Variants in PRKAR2B observed in about 807,000 individuals in gnomAD.
The protein encoded by PRKAR2B is protein kinase cAMP-dependent type II regulatory subunit beta.
A neutral mutation model predicts 49.9 loss-of-function variants in PRKAR2B; 14 were observed. The observed-to-expected ratio is 0.28, with a 90% confidence interval of 0.19 to 0.44. PRKAR2B has a LOEUF of 0.44. Ranked by LOEUF, PRKAR2B falls within the 20% of genes least tolerant of loss-of-function variation. The pLI, the probability that PRKAR2B is intolerant of heterozygous loss-of-function variation, is 1.00. For missense variants in PRKAR2B, 393 were observed against 537.9 expected (o/e 0.73, Z 2.67); for synonymous variants, 196 against 197.7 (o/e 0.99, Z 0.07).
intron 2 of PRKAR2B, among the ~76,000 whole-genome samples, chr7:107,105,050 TA>T (rs1331162837): frequency 6.6e-6 from 1 of 152,208 alleles, no homozygotes; most frequent in Admixed American, 6.5e-5. Context: ...GTCTATACTT[TA>T]AAAGCTTTAC....
At chr7:107,087,587 T>C (rs1794645433) in intron 2 of PRKAR2B, among the ~76,000 whole-genome samples, 1 of 152,040 alleles carries the variant, frequency 6.6e-6, no homozygotes, top group Admixed American at 6.6e-5. Flanking sequence ...TCCAGAGAGG[T>C]TAAGTCCTTT....
At chr7:107,143,513 A>G (rs1795826979) in intron 5 of PRKAR2B, among the ~76,000 whole-genome samples, 2 of 152,232 alleles carry the variant, frequency 1.3e-5, no homozygotes, top group South Asian at 4.1e-4. Context: ...TGGGGATGCT[A>G]CTATGCTGCT....
intron 4 of PRKAR2B, 118 bp downstream of exon 4, chr7:107,128,413 T>TA: frequency 1.5e-6 from 1 of 663,830 alleles, no homozygotes; most frequent in Non-Finnish European, 2.6e-6. Flanking sequence ...GGGGTGATGG[T>TA]AAAGGCCCCC....
At chr7:107,066,928 T>A (rs1280473451) in intron 1 of PRKAR2B, 2 of 152,160 alleles carry the variant, frequency 1.3e-5, no homozygotes, top group Non-Finnish European at 1.5e-5. Context: ...GATTTTACTC[T>A]CCATATATCA....
intron 2 of PRKAR2B, chr7:107,078,214 A>AAAAG (rs988890325): frequency 6.6e-6 from 1 of 151,492 alleles, no homozygotes; most frequent in African/African-American, 2.5e-5. Context: ...AAAAAAAAAA[A>AAAAG]AAAGAAAAAA....
Position 107,151,023 on chromosome 7 carries a change from G to A in PRKAR2B, c.843G>A (p.Glu281=). 1.3e-6 allele frequency: 2 copies of A among 1,534,136 alleles called. No individual in the cohort carries two copies. Among genetic ancestry groups the A allele is most frequent in the Non-Finnish European group, 1.8e-6 (2 of 1,127,032 alleles). The change falls in exon 7 of 11, where the codon GAG becomes GAA. Residue 281 remains glutamate, a splice_region_variant and synonymous_variant. Coordinates refer to ENST00000265717, the MANE Select transcript of PRKAR2B (RefSeq NM_002736.3). Reference sequence around the variant, plus strand: ...CACTGCCATTCCTTAAATCTTTGGAGGTAAGTATATGTTTATGCTTTTATT... The same window carrying A: ...CACTGCCATTCCTTAAATCTTTGGAAGTAAGTATATGTTTATGCTTTTATT... ...IESLPFLKSL[E]FSERLKVVDV... is the part of the protein sequence containing the mutation.
At chr7:107,143,725 G>T (rs570033865) in intron 5 of PRKAR2B, among the ~76,000 whole-genome samples, 1 of 152,208 alleles carries the variant, frequency 6.6e-6, no homozygotes, top group African/African-American at 2.4e-5. Flanking sequence ...CTTTCTGGTG[G>T]TTCAATGTAC....
At position 107,146,383 on chromosome 7, in the gene PRKAR2B, C is replaced by T. The variant is rs200774998; in HGVS notation, c.663C>T (p.Phe221=). ...CVGNYDNRGS[F]GELALMYNTP... is the part of the protein sequence containing the mutation. ...GTAACTATGATAATCGTGGGAGTTT[C>T]GGCGAACTGGCCTTAATGTACAATA... Residue 221 remains phenylalanine, a synonymous_variant, in exon 6 of 11, where the codon TTC becomes TTT. Coordinates refer to ENST00000265717, the MANE Select transcript of PRKAR2B (RefSeq NM_002736.3). The T allele has an allele frequency of 1.2e-4, 200 of 1,614,042 alleles. No homozygotes were observed. The East Asian group carries it at 2.7e-3, about 21-fold the overall frequency.
chr7:107,066,932 T>C (rs1794161348), intron 1 of PRKAR2B: 1 of 152,220 alleles, frequency 6.6e-6, no homozygotes, highest in African/African-American at 2.4e-5. Context: ...TTACTCTCCA[T>C]ATATCACAAG....
intron 2 of PRKAR2B, among the ~76,000 whole-genome samples, chr7:107,113,509 T>C (rs1795210952): frequency 6.6e-6 from 1 of 152,184 alleles, no homozygotes; most frequent in Non-Finnish European, 1.5e-5. Context: ...TACAGTTCTG[T>C]CCTCTAGTAC....
At chr7:107,083,121 G>GT (rs1166477245) in intron 2 of PRKAR2B, among the ~76,000 whole-genome samples, 1 of 151,574 alleles carries the variant, frequency 6.6e-6, no homozygotes, top group Non-Finnish European at 1.5e-5. Flanking sequence ...GCTCATGCTT[G>GT]TAATCCCAGC....
intron 2 of PRKAR2B, among the ~76,000 whole-genome samples, chr7:107,088,494 T>C (rs1794662205): frequency 1.3e-5 from 2 of 152,200 alleles, no homozygotes; most frequent in African/African-American, 4.8e-5. Flanking sequence ...ATGTTTATCT[T>C]TTTGACATCA....
chr7:107,142,964 T>A (rs966797241), intron 5 of PRKAR2B, among the ~76,000 whole-genome samples: 11 of 152,132 alleles, frequency 7.2e-5, no homozygotes, highest in Non-Finnish European at 1.5e-4. Flanking sequence ...GGTATCACCA[T>A]GTTGGTCGGG....
At position 107,088,712 on chromosome 7, in the gene PRKAR2B, G is replaced by A. The variant is rs376277880; in HGVS notation, c.343+18396G>A. On this transcript the variant is annotated intron_variant, in intron 2 of 10. Coordinates refer to ENST00000265717, the MANE Select transcript of PRKAR2B (RefSeq NM_002736.3). ...CTTCTCGGGTTCAGATGATCCTCCT[G>A]CCTCAGCCTCTTGAGGAGTTGGGGC... 7.2e-5 allele frequency among the ~76,000 whole-genome samples: 11 copies of A among 152,186 alleles called. No individual in the cohort carries two copies. In the East Asian group the frequency reaches 2.1e-3, roughly 30 times the overall value.
At chr7:107,053,548 G>GTT (rs1793851515) in intron 1 of PRKAR2B, among the ~76,000 whole-genome samples, 1 of 151,558 alleles carries the variant, frequency 6.6e-6, no homozygotes, top group South Asian at 2.1e-4. Flanking sequence ...GTGTGTGTGT[G>GTT]TGTGTGTGTG....
At chr7:107,144,471 G>A (rs192213446) in intron 5 of PRKAR2B, among the ~76,000 whole-genome samples, 33 of 151,470 alleles carry the variant, frequency 2.2e-4, no homozygotes, top group Admixed American at 2.0e-3. Flanking sequence ...TTCTTTTTTG[G>A]AGGGGCAGGG....
intron 4 of PRKAR2B, among the ~76,000 whole-genome samples, chr7:107,140,291 A>T (rs1023878968): frequency 6.6e-6 from 1 of 152,148 alleles, no homozygotes; most frequent in African/African-American, 2.4e-5. Context: ...AACCTTAATG[A>T]CAGTGAATAG....
intron 1 of PRKAR2B, among the ~76,000 whole-genome samples, chr7:107,050,913 C>T (rs1793788180): frequency 6.6e-6 from 1 of 152,066 alleles, no homozygotes; most frequent in Admixed American, 6.5e-5. Context: ...CCAGGCTGGT[C>T]TTGAACTCCT....
intron 1 of PRKAR2B, among the ~76,000 whole-genome samples, chr7:107,057,697 T>C (rs942485698): frequency 6.6e-6 from 1 of 152,060 alleles, no homozygotes; most frequent in African/African-American, 2.4e-5. Flanking sequence ...ATAGTACCTA[T>C]CTCAGAGGGA....
Sources: allele counts gnomAD v4.1 joint callset (sites outside exome capture counted in the v4.1 genomes callset), GRCh38; gene constraint gnomAD v4.1.1; transcripts MANE v1.5; gene names NCBI Gene and HGNC (gene_info 2026-07-23, HGNC 2026-07-21).